The following RALGDS variants were observed in gnomAD, a reference collection of about 807,000 sequenced individuals.
RALGDS encodes ral guanine nucleotide exchange factor.
In RALGDS, 44 loss-of-function variants were observed where a neutral mutation model predicts 99.8. The ratio of observed to expected loss-of-function variants is 0.44; its 90% CI spans 0.35 to 0.57. The LOEUF is 0.57. Among genes scored for constraint, RALGDS ranks in the 20% least tolerant of loss-of-function variants. The pLI is 0.01. For missense variants in RALGDS, 1,022 were observed against 1,203.1 expected (o/e 0.85, Z 2.23); for synonymous variants, 529 against 505.0 (o/e 1.05, Z -0.64).
chr9:133,136,946 G>A (rs891595195), intron 1 of RALGDS, among the ~76,000 whole-genome samples: 11 of 144,372 alleles, frequency 7.6e-5, no homozygotes, highest in Non-Finnish European at 1.1e-4. Flanking sequence ...CTCAAAAAAC[G>A]AAACAAGGCT....
At chr9:133,119,163 G>A (rs1831772466) in intron 1 of RALGDS, among the ~76,000 whole-genome samples, 1 of 152,208 alleles carries the variant, frequency 6.6e-6, no homozygotes, top group South Asian at 2.1e-4. Context: ...AGGGAAACAG[G>A]GATGCGGGGG....
upstream of RALGDS, among the ~76,000 whole-genome samples, chr9:133,123,510 T>A (rs1386354872): frequency 6.6e-6 from 1 of 152,288 alleles, no homozygotes; most frequent in East Asian, 1.9e-4. Context: ...CTCCCTCCCA[T>A]CTGACTATAT....
Position 133,101,940 on chromosome 9 carries a change from T to G in RALGDS, c.2209A>C (p.Lys737Gln). 1 of 1,551,104 alleles carries G rather than the reference T, an allele frequency of 6.4e-7. No homozygotes were observed. The highest frequency in any genetic ancestry group is 8.7e-7 in the Non-Finnish European group (1 of 1,147,038). ...VPESPDGQEK[K>Q]FWESASQSSP... Reference sequence around the variant, plus strand: ...TGGGGAGAAGGGCAGGCAGTCACCTTCTTTTCCTGGCCATCAGGAGACTCC... The same window carrying G: ...TGGGGAGAAGGGCAGGCAGTCACCTGCTTTTCCTGGCCATCAGGAGACTCC... Residue 737 changes from lysine to glutamine, a missense_variant and splice_region_variant, in exon 15 of 18, where the codon AAG becomes CAG. Coordinates refer to ENST00000372050, the MANE Select transcript of RALGDS (RefSeq NM_006266.4).
In RALGDS at chr9:133,097,910, T is replaced by A; in HGVS notation, c.*677A>T. The A allele has an allele frequency of 4.4e-6, 1 of 225,430 alleles. No homozygotes were observed. The highest frequency in any genetic ancestry group is 8.8e-6 in the Non-Finnish European group (1 of 113,292). 14.0% of individuals were successfully genotyped at this position (225,430 alleles called of 1,614,324 possible). On this transcript the variant is annotated 3_prime_UTR_variant, in exon 18 of 18. Coordinates refer to ENST00000372050, the MANE Select transcript of RALGDS (RefSeq NM_006266.4). ...CTAACCCCCGTCTTGCATGGTCTCG[T>A]AAAGCCCAGGACGCAGTGGTGAATG...
In RALGDS at chr9:133,098,411, G is replaced by A. The variant is rs1389165826; in HGVS notation, c.*176C>T. 1 of 679,662 alleles carries A rather than the reference G, an allele frequency of 1.5e-6. No homozygotes were observed. Among genetic ancestry groups the A allele is most frequent in the African/African-American group, 1.8e-5 (1 of 56,098 alleles). The allele number at this position is 679,662 out of a possible 1,614,324, so 42.1% of individuals were successfully genotyped here. On this transcript the variant is annotated 3_prime_UTR_variant, in exon 18 of 18. Transcript: ENST00000372050. The stretch of plus-strand genomic sequence containing the variant: ...TAAGGCAGCGAGTGGTCCACGGGAG[G>A]CCAGGTCAGCCTGACCAATGGCAGG...
rs1831916292 is a variant in RALGDS at position 133,121,145 on chromosome 9, G to A, written c.10C>T (p.Arg4Cys). Residue 4 changes from arginine (R) to cysteine (C), a missense_variant, in exon 1 of 18, where the codon CGC becomes TGC. This residue lies in a region of RALGDS where 180 missense variants were observed against 169.3 expected (regional missense o/e 1.06). Coordinates refer to ENST00000372050, the MANE Select transcript of RALGDS (RefSeq NM_006266.4). The stretch of plus-strand genomic sequence containing the variant: ...GGCCCGGCCGCCTCGGCCCACATGC[G>A]CTGCACCATGGAAGGCTCGCAGCGC... MVQ[R>C]MWAEAAGPAG... 6.7e-6 allele frequency: 9 copies of A among 1,346,190 alleles called. No individual in the cohort carries two copies. Among genetic ancestry groups the A allele is most frequent in the Non-Finnish European group, 8.6e-6 (9 of 1,047,740 alleles). 83.4% of individuals were successfully genotyped at this position (1,346,190 alleles called of 1,614,324 possible).
intron 1 of RALGDS, among the ~76,000 whole-genome samples, chr9:133,127,876 C>T (rs891663779): frequency 1.3e-5 from 2 of 152,222 alleles, no homozygotes; most frequent in African/African-American, 4.8e-5. Context: ...GGGGCGCTGC[C>T]GTCCCAGCAC....
At chr9:133,129,910 G>A (rs1304709247) in intron 1 of RALGDS, among the ~76,000 whole-genome samples, 1 of 151,088 alleles carries the variant, frequency 6.6e-6, no homozygotes, top group Non-Finnish European at 1.5e-5. Flanking sequence ...CTACCTCCCG[G>A]TTCAAGTGAT....
chr9:133,126,814 G>C (rs992784589), intron 1 of RALGDS, among the ~76,000 whole-genome samples: 1 of 152,244 alleles, frequency 6.6e-6, no homozygotes, highest in Non-Finnish European at 1.5e-5. Context: ...ACGGAGGCGA[G>C]GAGCGATTCC....
chr9:133,115,248 G>A (rs1831541947), intron 1 of RALGDS, among the ~76,000 whole-genome samples: 1 of 152,210 alleles, frequency 6.6e-6, no homozygotes. Flanking sequence ...CGTAGCTAGT[G>A]GCCCCCTGCC....
rs1365592579 is a variant in RALGDS, at chr9:133,126,506, C to G, written c.132+4446G>C. 2.0e-5 allele frequency among the ~76,000 whole-genome samples: 3 copies of G among 152,250 alleles called. No homozygotes were observed. The South Asian group carries it at 6.2e-4, about 31-fold the overall frequency. ...TGTAACTCTGGGTGACCTGACCACA[C>G]CGGGTCTGTGTTCCCAAGTGCCGCC... On this transcript the variant is annotated intron_variant, in intron 1 of 17. Transcript: ENST00000372062.
Position 133,108,312 on chromosome 9 carries a change from C to T in RALGDS, c.873G>A (p.Pro291=), listed in dbSNP as rs552375217. ...RAPSPVPAPA[P]EPEPAPTPAP... ...CTGGTGTTGGAGCTGGCTCTGGCTCCGGGGCTGGAGCCGGCACTGGGCTGG... is the reference window on the plus strand; with the variant it reads ...CTGGTGTTGGAGCTGGCTCTGGCTCTGGGGCTGGAGCCGGCACTGGGCTGG... Residue 291 remains proline, a synonymous_variant, in exon 6 of 18, where the codon CCG becomes CCA. Transcript: ENST00000372050. The T allele has an allele frequency of 4.2e-5, 65 of 1,547,670 alleles. No individual in the cohort carries two copies. The highest frequency in any genetic ancestry group is 2.3e-4 in the Admixed American group (12 of 51,154).
chr9:133,115,853 G>A (rs948361576), intron 1 of RALGDS, among the ~76,000 whole-genome samples: 3 of 152,262 alleles, frequency 2.0e-5, no homozygotes, highest in African/African-American at 7.2e-5. Flanking sequence ...AACCCAGTGG[G>A]TGGGAGCAGC....
chr9:133,120,996 T>C lies in RALGDS; in HGVS notation c.159A>G (p.Leu53=), dbSNP rs908185112. 4.0e-6 allele frequency: 6 copies of C among 1,491,460 alleles called. No homozygotes were observed. The Admixed American group carries it at 1.1e-4, about 27-fold the overall frequency. The allele number at this position is 1,491,460 out of a possible 1,614,324, so 92.4% of individuals were successfully genotyped here. ...CCTCCGGGCGCGGCAGGTCGGGGTC[T>C]AGCTGCGTGAAGCTGTGCAGCACCA... ...CPVVLHSFTQ[L]DPDLPRPESS... is the part of the protein sequence containing the mutation. The change falls in exon 1 of 18, where the codon CTA becomes CTG. Residue 53 remains leucine, a synonymous_variant. Coordinates refer to ENST00000372050, the MANE Select transcript of RALGDS (RefSeq NM_006266.4).
intron 1 of RALGDS, among the ~76,000 whole-genome samples, chr9:133,143,901 G>A (rs1018813547): frequency 6.6e-5 from 10 of 151,622 alleles, no homozygotes; most frequent in Admixed American, 1.3e-4. Flanking sequence ...CTGATGCCAT[G>A]TGAGCAGCTC....
chr9:133,114,205 T>G (rs76118910), intron 1 of RALGDS, among the ~76,000 whole-genome samples: 306 of 152,250 alleles, frequency 2.0e-3, no homozygotes, highest in African/African-American at 7.2e-3. Flanking sequence ...GAGCCATGCA[T>G]GCTTGGGGTA....
chr9:133,132,642 T>C (rs940415785), upstream of RALGDS, among the ~76,000 whole-genome samples: 1 of 151,360 alleles, frequency 6.6e-6, no homozygotes, highest in Non-Finnish European at 1.5e-5. Context: ...TTTCTTTTTT[T>C]CTTTTTTTTT....
At chr9:133,115,828 G>A (rs984766477) in intron 1 of RALGDS, among the ~76,000 whole-genome samples, 3 of 152,254 alleles carry the variant, frequency 2.0e-5, no homozygotes, top group Non-Finnish European at 2.9e-5. Context: ...GTAAAGAGAG[G>A]CTGAGTCACC....
In RALGDS at chr9:133,102,090, TG is replaced by T; in HGVS notation, c.2058del (p.Lys687SerfsTer133). The part of the protein sequence containing the change: ...TELSTSGSSH[S>X]KSCDQLRCGP... ...CCACACCTGAGCTGGTCACAGGACTTGGAGTGGGAGCTGCCACTGGTACTGA... is the reference window on the plus strand; with the variant it reads ...CCACACCTGAGCTGGTCACAGGACTTGAGTGGGAGCTGCCACTGGTACTGA... On this transcript the variant is annotated frameshift_variant, in exon 15 of 18. Coordinates refer to ENST00000372050, the MANE Select transcript of RALGDS (RefSeq NM_006266.4). LOFTEE classifies it high-confidence loss of function. The T allele has an allele frequency of 6.4e-7, 1 of 1,574,280 alleles. No individual in the cohort carries two copies. The highest frequency in any genetic ancestry group is 1.9e-5 in the Admixed American group (1 of 53,974).
Sources: allele counts gnomAD v4.1 joint callset (sites outside exome capture counted in the v4.1 genomes callset), GRCh38; gene constraint gnomAD v4.1.1; regional missense constraint gnomAD v4.1.1; transcripts MANE v1.5; gene names NCBI Gene and HGNC (gene_info 2026-07-23, HGNC 2026-07-21).